ROBO1: variants seen among roughly 807,000 people sequenced by gnomAD.
ROBO1 encodes the protein roundabout homolog 1.
Under a neutral mutation model 195.9 loss-of-function variants are expected in ROBO1, and 149 were observed. The observed-to-expected ratio is 0.76, with a 90% confidence interval of 0.67 to 0.87. The LOEUF (loss-of-function observed/expected upper bound fraction) is 0.87, where lower values mean the gene tolerates loss of function less well. Ranked by LOEUF, ROBO1 falls within the 40% of genes least tolerant of loss-of-function variation. The pLI, the probability that ROBO1 is intolerant of heterozygous loss-of-function variation, is 0.00. For synonymous variants in ROBO1, 816 were observed against 733.2 expected, an observed-to-expected ratio of 1.11 and a Z score of -1.82; for missense variants, 1,933 against 2,068.3, an observed-to-expected ratio of 0.93 and a Z score of 1.27.
At chr3:79,710,292 A>G (rs1028682716) in intron 1 of ROBO1, among the ~76,000 whole-genome samples, 1 of 152,036 alleles carries the variant, frequency 6.6e-6, no homozygotes, top group African/African-American at 2.4e-5. Flanking sequence ...AAAAAAAGAA[A>G]CCCACACCTG....
At chr3:78,609,487 C>T (rs1575768442) in intron 28 of ROBO1, among the ~76,000 whole-genome samples, 1 of 152,092 alleles carries the variant, frequency 6.6e-6, no homozygotes, top group African/African-American at 2.4e-5. Context: ...AAAAGGACCA[C>T]ACACACACAG....
At chr3:79,510,441 T>G (rs1940642159) in intron 2 of ROBO1, among the ~76,000 whole-genome samples, 1 of 152,220 alleles carries the variant, frequency 6.6e-6, no homozygotes, top group South Asian at 2.1e-4. Flanking sequence ...TCTCTGGCAT[T>G]TCTTCATCGC....
chr3:79,042,920 A>G (rs1273330711), intron 3 of ROBO1, among the ~76,000 whole-genome samples: 1 of 152,130 alleles, frequency 6.6e-6, no homozygotes, highest in Non-Finnish European at 1.5e-5. Flanking sequence ...GGTTTTTCCC[A>G]AGCTCTTAAT....
rs1244479127 is a variant in ROBO1 at position 78,879,658 on chromosome 3, C to A, written c.499+58943G>T. Among the ~76,000 whole-genome samples the A allele has an allele frequency of 2.0e-5, 3 of 150,976 alleles. No individual in the cohort carries two copies. In the East Asian group the frequency reaches 5.8e-4, roughly 29 times the overall value. Reference sequence around the variant, plus strand: ...CCATTTCAGGGAAAAAAAAAAAGAACAATAAAAACGTAGTCGGAAGCATCC... The same window carrying A: ...CCATTTCAGGGAAAAAAAAAAAGAAAAATAAAAACGTAGTCGGAAGCATCC... On this transcript the variant is annotated intron_variant, in intron 4 of 30. Transcript: ENST00000464233.
intron 1 of ROBO1, among the ~76,000 whole-genome samples, chr3:79,755,768 C>G (rs7618398): frequency 0.036 from 5,555 of 152,298 alleles, 349 homozygotes; most frequent in African/African-American, 0.13. Flanking sequence ...ATCCTGCCCC[C>G]CAAGGAGTCA....
intron 2 of ROBO1, among the ~76,000 whole-genome samples, chr3:79,550,195 GGAAAAGAAAA>G (rs58751236): frequency 0.054 from 5,481 of 100,784 alleles, 318 homozygotes; most frequent in Middle Eastern, 0.08. Flanking sequence ...AAGAAAGAAA[GGAAAAGAAAA>G]GAAAAGAAAA....
At chr3:79,166,562 T>TTC (rs2081067888) in intron 2 of ROBO1, among the ~76,000 whole-genome samples, 1 of 143,356 alleles carries the variant, frequency 7.0e-6, no homozygotes, top group African/African-American at 2.6e-5. Context: ...CTATTTTTCT[T>TTC]TTTTTTTTTT....
chr3:78,857,750 AGGATACACATCTAGGAATT>A (rs2034542454), intron 4 of ROBO1, among the ~76,000 whole-genome samples: 1 of 152,222 alleles, frequency 6.6e-6, no homozygotes, highest in Non-Finnish European at 1.5e-5. Flanking sequence ...AATTTGCCTA[AGGATACACATCTAGGAATT>A]GGTGAAACTA....
At chr3:79,404,816 A>T (rs922058760) in intron 2 of ROBO1, among the ~76,000 whole-genome samples, 13 of 152,148 alleles carry the variant, frequency 8.5e-5, no homozygotes, top group Admixed American at 8.5e-4. Flanking sequence ...TTGGAATTTT[A>T]AAAATATTTA....
chr3:78,892,343 T>C (rs1233727779), intron 4 of ROBO1, among the ~76,000 whole-genome samples: 1 of 152,168 alleles, frequency 6.6e-6, no homozygotes, highest in Non-Finnish European at 1.5e-5. Context: ...ATGAAACTGG[T>C]CCCTGATGCC....
At chr3:79,599,950 A>AT (rs547409245) in intron 1 of ROBO1, among the ~76,000 whole-genome samples, 18 of 151,326 alleles carry the variant, frequency 1.2e-4, no homozygotes, top group African/African-American at 3.4e-4. Flanking sequence ...TACATCACGC[A>AT]TTTTTTTTCA....
chr3:78,885,930 T>C (rs2036538311), intron 4 of ROBO1, among the ~76,000 whole-genome samples: 1 of 145,450 alleles, frequency 6.9e-6, no homozygotes, highest in South Asian at 2.1e-4. Flanking sequence ...TATATATATA[T>C]ATATATATAT....
chr3:79,333,121 T>C (rs1427700601), intron 2 of ROBO1, among the ~76,000 whole-genome samples: 1 of 151,596 alleles, frequency 6.6e-6, no homozygotes, highest in East Asian at 2.0e-4. Context: ...GCGAATTGCT[T>C]GAACCTGAGA....
At chr3:78,646,611 A>AG (rs1384839167) in intron 20 of ROBO1, among the ~76,000 whole-genome samples, 3 of 150,316 alleles carry the variant, frequency 2.0e-5, no homozygotes, top group African/African-American at 7.3e-5. Context: ...AACTCAGGAA[A>AG]AAAAAAAACT....
Position 79,155,082 on chromosome 3 carries a change from G to A in ROBO1, c.89-29543C>T, listed in dbSNP as rs374956054. 2.6e-5 allele frequency among the ~76,000 whole-genome samples: 4 copies of A among 151,734 alleles called. No individual in the cohort carries two copies. The East Asian group carries it at 7.8e-4, about 29-fold the overall frequency. On this transcript the variant is annotated intron_variant, in intron 2 of 30. Transcript: ENST00000464233. ...GGACACATTGACTCCTATTGCCAAC[G>A]ATGCATGTGGCTCACAAACAAAGAT... is the stretch of plus-strand genomic sequence containing the variant.
intron 1 of ROBO1, among the ~76,000 whole-genome samples, chr3:79,597,310 T>C (rs1156457903): frequency 6.6e-6 from 1 of 151,990 alleles, no homozygotes. Flanking sequence ...AAGGGTATAA[T>C]ACCTTCTGAA....
At chr3:79,106,485 T>G (rs1370494818) in intron 3 of ROBO1, among the ~76,000 whole-genome samples, 4 of 151,680 alleles carry the variant, frequency 2.6e-5, no homozygotes, top group Admixed American at 2.0e-4. Context: ...GGCTCTGAAC[T>G]ATAGAAATAC....
At chr3:78,619,077 T>C (rs972559500) in intron 26 of ROBO1, among the ~76,000 whole-genome samples, 18 of 152,238 alleles carry the variant, frequency 1.2e-4, no homozygotes, top group African/African-American at 3.9e-4. Flanking sequence ...GTTGGATTTC[T>C]AGTTGGAGGA....
intron 1 of ROBO1, among the ~76,000 whole-genome samples, chr3:79,745,390 A>C (rs1171031216): frequency 6.6e-6 from 1 of 152,236 alleles, no homozygotes; most frequent in South Asian, 2.1e-4. Context: ...TTTTTAAAAA[A>C]ATAGGAGAAA....
Sources: allele counts gnomAD v4.1 joint callset (sites outside exome capture counted in the v4.1 genomes callset), GRCh38; gene constraint gnomAD v4.1.1; transcripts MANE v1.5; gene names NCBI Gene and HGNC (gene_info 2026-07-23, HGNC 2026-07-21).